The following TAB2 variants were observed in gnomAD, a reference collection of about 807,000 sequenced individuals.
TAB2 encodes the protein TGF-beta activated kinase 1 (MAP3K7) binding protein 2, also known as TGF-beta-activated kinase 1 and MAP3K7-binding protein 2.
Under a neutral mutation model 65.0 loss-of-function variants are expected in TAB2, and 3 were observed. The observed-to-expected ratio is 0.05, with a 90% CI of 0.02 to 0.12. TAB2 has a LOEUF of 0.12. TAB2 is among the 10% of genes least tolerant of loss of function. The pLI, the probability that TAB2 is intolerant of heterozygous loss-of-function variation, is 1.00. For synonymous variants in TAB2, 298 were observed against 285.1 expected (o/e 1.05, Z -0.46); for missense variants, 623 against 840.3 (o/e 0.74, Z 3.20).
At chr6:149,254,785 T>C (rs1190839679) in intron 1 of TAB2, among the ~76,000 whole-genome samples, 1 of 152,248 alleles carries the variant, frequency 6.6e-6, no homozygotes, top group Non-Finnish European at 1.5e-5. Context: ...TATATATTAA[T>C]TCAGCAAAGG....
At chr6:149,399,967 T>TTAAAA in intron 6 of TAB2, among the ~76,000 whole-genome samples, 1 of 152,218 alleles carries the variant, frequency 6.6e-6, no homozygotes, top group Non-Finnish European at 1.5e-5. Flanking sequence ...TGTTATCAAC[T>TTAAAA]TAAAATAGAA....
intron 1 of TAB2, among the ~76,000 whole-genome samples, chr6:149,259,907 AG>A (rs1426359645): frequency 6.6e-6 from 1 of 152,228 alleles, no homozygotes; most frequent in Non-Finnish European, 1.5e-5. Context: ...TGAAAGAAGA[AG>A]TAAGACTTCA....
intron 1 of TAB2, among the ~76,000 whole-genome samples, chr6:149,266,508 T>TA (rs901420282): frequency 1.3e-5 from 2 of 152,154 alleles, no homozygotes; most frequent in Non-Finnish European, 2.9e-5. Context: ...TAGGCTTACA[T>TA]AAAAAGAGAG....
chr6:149,274,158 A>G (rs539067638), intron 1 of TAB2, among the ~76,000 whole-genome samples: 2 of 152,340 alleles, frequency 1.3e-5, no homozygotes, highest in South Asian at 2.1e-4. Context: ...AGAACCATCA[A>G]TTTTCCATGT....
chr6:149,296,481 T>G (rs1208762940), intron 1 of TAB2, among the ~76,000 whole-genome samples: 1 of 152,230 alleles, frequency 6.6e-6, no homozygotes, highest in African/African-American at 2.4e-5. Flanking sequence ...GGCCTAAAAA[T>G]GTCTTACTGT....
chr6:149,379,604 A>G, intron 3 of TAB2, 86 bp downstream of exon 3: 3 of 1,299,064 alleles, frequency 2.3e-6, no homozygotes, highest in Admixed American at 1.7e-5. Context: ...GGATGTTAGC[A>G]TTGTTATTTC....
intron 4 of TAB2, 47 bp downstream of exon 4, chr6:149,397,811 AGGCC>A: frequency 1.9e-6 from 3 of 1,604,928 alleles, no homozygotes; most frequent in Non-Finnish European, 2.6e-6. Context: ...ACATGAGAGT[AGGCC>A]ATCTAACATA....
intron 3 of TAB2, among the ~76,000 whole-genome samples, chr6:149,396,112 G>C (rs565373982): frequency 1.8e-4 from 28 of 152,138 alleles, no homozygotes; most frequent in African/African-American, 6.3e-4. Context: ...CTGCCTCCCG[G>C]GTTCAAGCAA....
intron 1 of TAB2, among the ~76,000 whole-genome samples, chr6:149,259,666 A>G (rs1778112154): frequency 6.6e-6 from 1 of 152,248 alleles, no homozygotes; most frequent in Non-Finnish European, 1.5e-5. Context: ...ATGCTTATTC[A>G]TAAAAGAGTG....
At chr6:149,283,862 C>T (rs933029018) in intron 1 of TAB2, among the ~76,000 whole-genome samples, 2 of 152,016 alleles carry the variant, frequency 1.3e-5, no homozygotes, top group Non-Finnish European at 2.9e-5. Context: ...TTTTTAAAAA[C>T]ATTTTTAAAG....
chr6:149,285,256 G>A (rs1209565308), intron 1 of TAB2, among the ~76,000 whole-genome samples: 2 of 152,222 alleles, frequency 1.3e-5, no homozygotes, highest in African/African-American at 2.4e-5. Flanking sequence ...ATTGCCAACA[G>A]TACCCTAATG....
At position 149,251,132 on chromosome 6, in the gene TAB2, G is replaced by A. The variant is rs1583046618; in HGVS notation, c.-121+32356G>A. ...AGTTAACGCTTTCCTTTTGCCGGGT[G>A]CCTCCTGGAGATGCAGTACCATAAT... On this transcript the variant is annotated intron_variant, in intron 1 of 1. Transcript: ENST00000606202. 2.6e-5 allele frequency among the ~76,000 whole-genome samples: 4 copies of A among 152,314 alleles called. No individual in the cohort carries two copies. The South Asian group carries it at 6.2e-4, about 24-fold the overall frequency.
chr6:149,241,429 A>G (rs1334959024), intron 1 of TAB2, among the ~76,000 whole-genome samples: 1 of 152,228 alleles, frequency 6.6e-6, no homozygotes, highest in Non-Finnish European at 1.5e-5. Flanking sequence ...TTAAAGTGGC[A>G]TTATAAATTG....
At chr6:149,284,866 A>C (rs1778641536) in intron 1 of TAB2, among the ~76,000 whole-genome samples, 1 of 152,072 alleles carries the variant, frequency 6.6e-6, no homozygotes, top group Non-Finnish European at 1.5e-5. Flanking sequence ...GGTTAAGTTG[A>C]ATTATTGTCA....
chr6:149,272,310 A>G (rs923321957), intron 1 of TAB2, among the ~76,000 whole-genome samples: 1 of 152,222 alleles, frequency 6.6e-6, no homozygotes, highest in Non-Finnish European at 1.5e-5. Flanking sequence ...ACAAATTAGC[A>G]CAAACGTAGG....
At chr6:149,385,249 C>T (rs910888385) in intron 3 of TAB2, among the ~76,000 whole-genome samples, 1 of 152,200 alleles carries the variant, frequency 6.6e-6, no homozygotes, top group African/African-American at 2.4e-5. Flanking sequence ...GCAAGATACT[C>T]TTCAAAAGGA....
At chr6:149,408,717 G>A (rs1046467273) in intron 6 of TAB2, among the ~76,000 whole-genome samples, 2 of 152,130 alleles carry the variant, frequency 1.3e-5, no homozygotes, top group African/African-American at 4.8e-5. Context: ...ATTTTTTTAA[G>A]TAGTTTTATA....
At chr6:149,333,909 TA>T (rs1779857966) in intron 1 of TAB2, among the ~76,000 whole-genome samples, 1 of 152,146 alleles carries the variant, frequency 6.6e-6, no homozygotes, top group African/African-American at 2.4e-5. Context: ...GGGAGCTGTA[TA>T]AAATAATTCT....
chr6:149,243,375 G>A (rs989532730), intron 1 of TAB2: 2 of 152,196 alleles, frequency 1.3e-5, no homozygotes, highest in Non-Finnish European at 2.9e-5. Context: ...TCTGTGACAG[G>A]TCTTCAAGTA....
Sources: allele counts gnomAD v4.1 joint callset (sites outside exome capture counted in the v4.1 genomes callset), GRCh38; gene constraint gnomAD v4.1.1; transcripts MANE v1.5; gene names NCBI Gene and HGNC (gene_info 2026-07-23, HGNC 2026-07-21).